The following NUDT5 variants were observed in gnomAD, a reference collection of about 807,000 sequenced individuals.
The protein encoded by NUDT5 is ADP-sugar pyrophosphatase.
A neutral mutation model predicts 34.1 loss-of-function variants in NUDT5; 21 were observed. The observed-to-expected ratio is 0.62, with a 90% CI of 0.44 to 0.89. The LOEUF (loss-of-function observed/expected upper bound fraction) is 0.89, where lower values mean the gene tolerates loss of function less well. Among genes scored for constraint, NUDT5 ranks in the 40% least tolerant of loss-of-function variants. The pLI is 0.00. For synonymous variants in NUDT5, 85 were observed against 97.6 expected (o/e 0.87, Z 0.76); for missense variants, 249 against 274.8 (o/e 0.91, Z 0.66).
chr10:12,170,897 TACCTCCATCCCCTGGAAATAA>T lies in NUDT5; in HGVS notation c.488-10_496+2del. On this transcript the variant is annotated splice_acceptor_variant and splice_donor_variant and splice_polypyrimidine_tract_variant and coding_sequence_variant and intron_variant, in exon 8 of 10. Coordinates refer to ENST00000491614, the MANE Select transcript of NUDT5 (RefSeq NM_014142.4). LOFTEE classifies it high-confidence loss of function. This position sits in a 1 kb window ranked among gnomAD's most constrained non-coding sequence, Gnocchi z 4.9. ...CTCGGCCACCAGGAGTTGCAGAACA[TACCTCCATCCCCTGGAAATAA>T]ACAGAAGGAAAACATTTCAGCAAGG... The T allele has an allele frequency of 6.2e-7, 1 of 1,613,842 alleles. No individual in the cohort carries two copies. The highest frequency in any genetic ancestry group is 8.5e-7 in the Non-Finnish European group (1 of 1,179,882).
At chr10:12,172,545 T>A in intron 7 of NUDT5, 1 of 582,466 alleles carries the variant, frequency 1.7e-6, no homozygotes, top group Non-Finnish European at 3.1e-6. Flanking sequence ...ATATGTCATT[T>A]AACATTTTTT....
At chr10:12,192,943 G>C (rs1002475270) in intron 1 of NUDT5, among the ~76,000 whole-genome samples, 2 of 127,546 alleles carry the variant, frequency 1.6e-5, no homozygotes, top group Non-Finnish European at 3.4e-5. Context: ...TTCACTTATG[G>C]GTTTTTTTTT....
intron 1 of NUDT5, among the ~76,000 whole-genome samples, chr10:12,193,900 AAG>A (rs1233911440): frequency 4.6e-5 from 7 of 151,698 alleles, no homozygotes; most frequent in African/African-American, 1.7e-4. Context: ...ACGGAAAAAA[AAG>A]AGTCTCGCTC....
In NUDT5 at chr10:12,187,449, ATAT is replaced by A. The variant is rs2131715600; in HGVS notation, c.-41-1120_-41-1118del. 6.6e-6 allele frequency among the ~76,000 whole-genome samples: 1 copy of A among 152,206 alleles called. No homozygotes were observed. The highest frequency in any genetic ancestry group is 1.5e-5 in the Non-Finnish European group (1 of 68,016). Reference sequence around the variant, plus strand: ...AGCAGGCCCTTATCCCATTTATTGTATATTATTATTTCCTCTTTCTTTATTCCT... The same window carrying A: ...AGCAGGCCCTTATCCCATTTATTGTATATTATTTCCTCTTTCTTTATTCCT... On this transcript the variant is annotated intron_variant, in intron 1 of 9. Transcript: ENST00000491614. The surrounding 1 kb of genome is among the most constrained non-coding windows in gnomAD (Gnocchi z 5.4).
At chr10:12,174,986 G>T (rs976780955) in intron 5 of NUDT5, among the ~76,000 whole-genome samples, 1 of 152,160 alleles carries the variant, frequency 6.6e-6, no homozygotes, top group East Asian at 1.9e-4. Flanking sequence ...GGAAGAGGAA[G>T]GGAGCAGCAA....
rs762650438 is a variant in NUDT5 at position 12,177,895 on chromosome 10, C to T, written c.187G>A (p.Ala63Thr). The stretch of plus-strand genomic sequence containing the variant: ...GTTCTCTGCAGCACGGGGATGACCG[C>T]GACACCTGTCACCAGGAAATGGAAC... ...TRKEQTADGV[A>T]VIPVLQRTLH... The change falls in exon 5 of 10, where the codon GCG (alanine) becomes ACG (threonine). Residue 63 changes from alanine to threonine, a missense_variant. Physicochemically the swap from Ala to Thr is moderately conservative, Grantham distance 58. Transcript: ENST00000491614. The T allele has an allele frequency of 2.8e-5, 45 of 1,613,260 alleles. No individual in the cohort carries two copies. The highest frequency in any genetic ancestry group is 3.3e-5 in the Admixed American group (2 of 59,976).
Position 12,168,036 on chromosome 10 carries a change from T to TC in NUDT5, c.551-226_551-225insG. The TC allele has an allele frequency of 2.3e-6, 2 of 870,856 alleles. No individual in the cohort carries two copies. Among genetic ancestry groups the TC allele is most frequent in the Non-Finnish European group, 3.1e-6 (2 of 640,472 alleles). The allele number at this position is 870,856 out of a possible 1,614,324, so 53.9% of individuals were successfully genotyped here. A position where few individuals can be genotyped will look rare whatever the true frequency, so the allele number is the denominator to read the frequency against. Reference sequence around the variant, plus strand: ...AACATCAGGGATAATGATTTTTTTTTTTTTTGGTGAGACAGTCTCGCTCTG... The same window carrying TC: ...AACATCAGGGATAATGATTTTTTTTTCTTTTTGGTGAGACAGTCTCGCTCTG... On this transcript the variant is annotated intron_variant, in intron 9 of 9. Transcript: ENST00000491614. This position sits in a 1 kb window ranked among gnomAD's most constrained non-coding sequence, Gnocchi z 4.8.
rs961507349 is a variant in NUDT5, at chr10:12,173,423, G to C, written c.385+295C>G. The stretch of plus-strand genomic sequence containing the variant: ...TCACCATGTTGGTCAGGCTGGTCTC[G>C]AACTCCTGACCTCAGGTGATCCACC... On this transcript the variant is annotated intron_variant, in intron 6 of 9. Transcript: ENST00000491614. The surrounding 1 kb of genome is among the most constrained non-coding windows in gnomAD (Gnocchi z 4.7). Among the ~76,000 whole-genome samples, 1 of 152,112 alleles carries C rather than the reference G, an allele frequency of 6.6e-6. No homozygotes were observed. The highest frequency in any genetic ancestry group is 2.4e-5 in the African/African-American group (1 of 41,414).
chr10:12,193,072 G>T lies in NUDT5; in HGVS notation c.-42+2698C>A, dbSNP rs114382529. Among the ~76,000 whole-genome samples the T allele has an allele frequency of 6.7e-3, 1,020 of 152,214 alleles. 19 individuals carry two copies. Among genetic ancestry groups the T allele is most frequent in the African/African-American group, 0.022 (905 of 41,508 alleles). The stretch of plus-strand genomic sequence containing the variant: ...GTGGTTTAAAATCCTCACATTTAAT[G>T]CTGGTTGAGCAAGAGTGAACTGACT... On this transcript the variant is annotated intron_variant, in intron 1 of 9. Coordinates refer to ENST00000491614, the MANE Select transcript of NUDT5 (RefSeq NM_014142.4).
rs1037000400 is a variant in NUDT5 at position 12,173,957 on chromosome 10, G to A, written c.290-144C>T. 14 of 633,790 alleles carry A rather than the reference G, an allele frequency of 2.2e-5. No homozygotes were observed. Among genetic ancestry groups the A allele is most frequent in the South Asian group, 5.2e-5 (3 of 57,968 alleles). 39.3% of individuals were successfully genotyped at this position (633,790 alleles called of 1,614,324 possible). On this transcript the variant is annotated intron_variant, in intron 5 of 9. Transcript: ENST00000491614. This position sits in a 1 kb window ranked among gnomAD's most constrained non-coding sequence, Gnocchi z 4.7. ...TCTCGGCCCACTGCAACCTCCGCCC[G>A]TCCAGGTTTAAGCAATTCTCTGCTT...
chr10:12,184,869 A>G lies in NUDT5; in HGVS notation c.131+20T>C, dbSNP rs760795379. ...AGAACCCAAATAACGAACATTTTGT[A>G]AGAAAAAAAAAAAGTTTACCTAGTT... On this transcript the variant is annotated intron_variant, in intron 3 of 9. Coordinates refer to ENST00000491614, the MANE Select transcript of NUDT5 (RefSeq NM_014142.4). 2.1e-6 allele frequency: 3 copies of G among 1,461,630 alleles called. No individual in the cohort carries two copies. The highest frequency in any genetic ancestry group is 3.7e-5 in the Admixed American group (2 of 53,774). 90.5% of individuals were successfully genotyped at this position (1,461,630 alleles called of 1,614,324 possible). A position where few individuals can be genotyped will look rare whatever the true frequency, so the allele number is the denominator to read the frequency against.
At position 12,173,858 on chromosome 10, in the gene NUDT5, T is replaced by A. The variant is rs1397021905; in HGVS notation, c.290-45A>T. ...GTGTGATGGGAGCGGGAAATCCGGT[T>A]CTTTAAACCCTCCTTTTTTTTTTTT... On this transcript the variant is annotated intron_variant, in intron 5 of 9. Coordinates refer to ENST00000491614, the MANE Select transcript of NUDT5 (RefSeq NM_014142.4). The surrounding 1 kb of genome is among the most constrained non-coding windows in gnomAD (Gnocchi z 4.7). The A allele has an allele frequency of 2.9e-6, 4 of 1,377,700 alleles. No individual in the cohort carries two copies. Among genetic ancestry groups the A allele is most frequent in the Non-Finnish European group, 4.0e-6 (4 of 999,234 alleles). The allele number at this position is 1,377,700 out of a possible 1,614,324, so 85.3% of individuals were successfully genotyped here.
rs575799827 is a variant in NUDT5, at chr10:12,168,515, T to C, written c.551-704A>G. 4.6e-5 allele frequency among the ~76,000 whole-genome samples: 7 copies of C among 152,172 alleles called. No individual in the cohort carries two copies. The South Asian group carries it at 1.5e-3, about 32-fold the overall frequency. ...CCCCCGGCAAGTTAAACTGTGTGCATGTTAGGACTGGAGATCTACTACCAA... is the reference window on the plus strand; with the variant it reads ...CCCCCGGCAAGTTAAACTGTGTGCACGTTAGGACTGGAGATCTACTACCAA... On this transcript the variant is annotated intron_variant, in intron 9 of 9. Transcript: ENST00000491614. The surrounding 1 kb of genome is among the most constrained non-coding windows in gnomAD (Gnocchi z 4.8).
At chr10:12,176,212 TA>T (rs564517126) in intron 5 of NUDT5, among the ~76,000 whole-genome samples, 4 of 146,472 alleles carry the variant, frequency 2.7e-5, no homozygotes, top group African/African-American at 1.0e-4. Context: ...AATAAAAAAA[TA>T]AAAAAAAAGG....
At chr10:12,189,515 T>C (rs879607079) in intron 1 of NUDT5, among the ~76,000 whole-genome samples, 4 of 152,218 alleles carry the variant, frequency 2.6e-5, no homozygotes, top group Admixed American at 2.0e-4. Context: ...CAAGAGCATA[T>C]TCTTAACTAT....
In NUDT5 at chr10:12,187,380, G is replaced by A. The variant is rs148089804; in HGVS notation, c.-41-1048C>T. Among the ~76,000 whole-genome samples the A allele has an allele frequency of 3.5e-3, 539 of 152,326 alleles. 3 individuals carry two copies. The highest frequency in any genetic ancestry group is 0.012 in the African/African-American group (515 of 41,576). ...TTCAGCATGTATCAAAGTCATAGTT[G>A]CAGAGAAAGGATCGAGTAGTACTAC... On this transcript the variant is annotated intron_variant, in intron 1 of 9. Coordinates refer to ENST00000491614, the MANE Select transcript of NUDT5 (RefSeq NM_014142.4). The surrounding 1 kb of genome is among the most constrained non-coding windows in gnomAD (Gnocchi z 5.4).
chr10:12,177,078 C>T lies in NUDT5; in HGVS notation c.289+715G>A, dbSNP rs139776234. ...CGGAGGTTGCAGTGAGCCGAGATCA[C>T]GCCACCGCACTCCAGCCTGGGTGAC... On this transcript the variant is annotated intron_variant, in intron 5 of 9. Coordinates refer to ENST00000491614, the MANE Select transcript of NUDT5 (RefSeq NM_014142.4). 9.7e-3 allele frequency among the ~76,000 whole-genome samples: 1,380 copies of T among 142,142 alleles called. 23 individuals are homozygous for T. Among genetic ancestry groups the T allele is most frequent in the African/African-American group, 0.033 (1,280 of 38,466 alleles). 93.3% of individuals were successfully genotyped at this position (142,142 alleles called of 152,430 possible).
Position 12,173,313 on chromosome 10 carries a change from A to G in NUDT5, c.385+405T>C, listed in dbSNP as rs540560629. Among the ~76,000 whole-genome samples the G allele has an allele frequency of 1.4e-4, 22 of 152,028 alleles. No individual in the cohort carries two copies. Among genetic ancestry groups the G allele is most frequent in the Non-Finnish European group, 2.6e-4 (18 of 67,990 alleles). On this transcript the variant is annotated intron_variant, in intron 6 of 9. Coordinates refer to ENST00000491614, the MANE Select transcript of NUDT5 (RefSeq NM_014142.4). This position sits in a 1 kb window ranked among gnomAD's most constrained non-coding sequence, Gnocchi z 4.7. ...CTGCAACCTCTGCCTCCTGGGTTCA[A>G]TTCTCCTGCCTCAGCCTCCCGAGTA...
Position 12,171,826 on chromosome 10 carries a change from G to C in NUDT5, c.488-918C>G, listed in dbSNP as rs959283473. ...TGCAACCTCCGCCTCCTGGGTTCAAGTGATTCTTGTGTCTCAGCTTCCCGA... is the reference window on the plus strand; with the variant it reads ...TGCAACCTCCGCCTCCTGGGTTCAACTGATTCTTGTGTCTCAGCTTCCCGA... On this transcript the variant is annotated intron_variant, in intron 7 of 9. Coordinates refer to ENST00000491614, the MANE Select transcript of NUDT5 (RefSeq NM_014142.4). This position sits in a 1 kb window ranked among gnomAD's most constrained non-coding sequence, Gnocchi z 4.2. Among the ~76,000 whole-genome samples, 2 of 151,814 alleles carry C rather than the reference G, an allele frequency of 1.3e-5. No homozygotes were observed. The highest frequency in any genetic ancestry group is 1.3e-4 in the Admixed American group (2 of 15,218).
Sources: gnomAD v4.1 joint callset for allele counts (sites outside exome capture counted in the v4.1 genomes callset) on GRCh38, gnomAD v4.1.1 for gene constraint, Gnocchi (gnomAD v3.1) non-coding constraint, MANE v1.5 for transcripts, NCBI Gene and HGNC (gene_info 2026-07-23, HGNC 2026-07-21) for gene names.